The following HEXB variants were observed in gnomAD, a reference collection of about 807,000 sequenced individuals.
The protein encoded by HEXB is beta-hexosaminidase subunit beta.
HEXB carries 51 observed loss-of-function variants against 71.2 expected under a neutral mutation model. The ratio of observed to expected loss-of-function variants is 0.72; its 90% confidence interval spans 0.57 to 0.90. The LOEUF (loss-of-function observed/expected upper bound fraction) is 0.90, where lower values mean the gene tolerates loss of function less well. Ranked by LOEUF, HEXB falls within the 40% of genes least tolerant of loss-of-function variation. The pLI is 0.00. For synonymous variants in HEXB, 266 were observed against 249.3 expected (o/e 1.07, Z -0.63); for missense variants, 617 against 677.0 (o/e 0.91, Z 0.98).
At chr5:74,699,799 G>A (rs1040232839) in intron 5 of HEXB, among the ~76,000 whole-genome samples, 11 of 151,992 alleles carry the variant, frequency 7.2e-5, no homozygotes, top group Non-Finnish European at 1.6e-4. Flanking sequence ...GGTATATACT[G>A]TCAGGCTGCC....
chr5:74,661,557 G>C (rs1295269131), intron 1 of HEXB, among the ~76,000 whole-genome samples: 1,816 of 77,734 alleles, frequency 0.023, 60 homozygotes, highest in African/African-American at 0.088. Context: ...GTGTGTGTGT[G>C]TGTGTGTCTC....
upstream of HEXB, chr5:74,685,204 G>C (rs529245734): frequency 6.9e-7 from 1 of 1,444,060 alleles, no homozygotes; most frequent in South Asian, 1.4e-5. Context: ...GGCCGGGCGG[G>C]AAGTCGGGTC....
In HEXB at chr5:74,697,071, C is replaced by A. The variant is rs1455131807; in HGVS notation, c.634C>A (p.His212Asn). The change falls in exon 5 of 14, where the codon CAT becomes AAT. Residue 212 changes from histidine (H) to asparagine (N), a missense_variant. By Grantham distance (68) the His-to-Asn change is moderately conservative. Transcript: ENST00000261416. ...HRGILIDTSR[H>N]YLPVKIILKT... Reference sequence around the variant, plus strand: ...AGGAATTTTGATTGATACATCCAGACATTATCTGCCAGTTAAGATTATTCT... The same window carrying A: ...AGGAATTTTGATTGATACATCCAGAAATTATCTGCCAGTTAAGATTATTCT... 6.5e-7 allele frequency: 1 copy of A among 1,540,368 alleles called. No homozygotes were observed. Among genetic ancestry groups the A allele is most frequent in the Admixed American group, 1.7e-5 (1 of 59,916 alleles).
intron 3 of HEXB, among the ~76,000 whole-genome samples, chr5:74,695,839 TAA>T (rs34022383): frequency 1.1e-4 from 14 of 132,878 alleles, no homozygotes; most frequent in East Asian, 4.5e-4. Flanking sequence ...AGACTCCGTC[TAA>T]AAAAAAAAAA....
At chr5:74,697,390 A>G (rs755426562) in intron 5 of HEXB, among the ~76,000 whole-genome samples, 3 of 152,282 alleles carry the variant, frequency 2.0e-5, no homozygotes, top group Non-Finnish European at 4.4e-5. Flanking sequence ...CCCTTTACAT[A>G]TACTCCCATT....
At chr5:74,683,365 G>A (rs531057535), upstream of HEXB, among the ~76,000 whole-genome samples, 52 of 152,032 alleles carry the variant, frequency 3.4e-4, no homozygotes, top group African/African-American at 1.2e-3. Flanking sequence ...GTGCAGTGGT[G>A]CAATCTCGGC....
At chr5:74,676,770 A>AG (rs1436726073) in intron 1 of HEXB, among the ~76,000 whole-genome samples, 3 of 152,184 alleles carry the variant, frequency 2.0e-5, no homozygotes, top group Non-Finnish European at 4.4e-5. Context: ...CTCAAAAAAA[A>AG]GGGGAGCGGT....
At chr5:74,717,980 T>C (rs1273150778) in intron 9 of HEXB, among the ~76,000 whole-genome samples, 1 of 152,216 alleles carries the variant, frequency 6.6e-6, no homozygotes, top group African/African-American at 2.4e-5. Flanking sequence ...AAGAGATTGC[T>C]GTTTGTACAA....
At chr5:74,693,893 A>G (rs914213849) in intron 3 of HEXB, among the ~76,000 whole-genome samples, 189 bp downstream of exon 3, 24 of 152,338 alleles carry the variant, frequency 1.6e-4, no homozygotes, top group African/African-American at 5.5e-4. Context: ...ACAGTGGCTC[A>G]CGCCTGTAAT....
intron 1 of HEXB, among the ~76,000 whole-genome samples, chr5:74,667,240 C>A (rs1314171848): frequency 7.1e-6 from 1 of 140,756 alleles, no homozygotes; most frequent in Non-Finnish European, 1.5e-5. Flanking sequence ...AATGGAGAAA[C>A]CCTGCTCTAC....
intron 1 of HEXB, among the ~76,000 whole-genome samples, chr5:74,671,130 A>T (rs1054898309): frequency 6.6e-6 from 1 of 151,946 alleles, no homozygotes. Flanking sequence ...TGATGGTAAA[A>T]AAACAACTAC....
chr5:74,644,615 C>CT (rs1253026600), intron 1 of HEXB, among the ~76,000 whole-genome samples: 2 of 152,054 alleles, frequency 1.3e-5, no homozygotes, highest in East Asian at 3.9e-4. Flanking sequence ...ACAGTTATCA[C>CT]TTTTTTGTCT....
At chr5:74,708,887 A>G (rs557961040) in intron 6 of HEXB, among the ~76,000 whole-genome samples, 4 of 152,268 alleles carry the variant, frequency 2.6e-5, no homozygotes, top group African/African-American at 9.6e-5. Context: ...GATCAACGAG[A>G]CAGAAAGTCA....
chr5:74,701,120 C>T (rs60089359), intron 5 of HEXB, among the ~76,000 whole-genome samples: 3,376 of 150,996 alleles, frequency 0.022, 125 homozygotes, highest in African/African-American at 0.078. Flanking sequence ...TGAGCTCAGG[C>T]GATCCACCTG....
chr5:74,645,304 C>T (rs1747982981), intron 1 of HEXB, among the ~76,000 whole-genome samples: 2 of 152,160 alleles, frequency 1.3e-5, no homozygotes, highest in African/African-American at 4.8e-5. Flanking sequence ...TGGGCTCAAG[C>T]CATCCTCCTG....
chr5:74,718,845 G>T lies in HEXB; in HGVS notation c.1291G>T (p.Glu431Ter). 4 of 1,614,156 alleles carry T rather than the reference G, an allele frequency of 2.5e-6. No individual in the cohort carries two copies. Among genetic ancestry groups the T allele is most frequent in the Non-Finnish European group, 3.4e-6 (4 of 1,179,998 alleles). The change falls in exon 11 of 14, where the codon GAG becomes TAG. Residue 431 changes from glutamate to a stop codon, truncating the protein, a stop_gained. Coordinates refer to ENST00000261416, the MANE Select transcript of HEXB (RefSeq NM_000521.4). LOFTEE classifies it high-confidence loss of function. ...VEVWKDSAYP[E>*]ELSRVTASGF... ...AGTATGGAAAGACAGCGCATATCCT[G>T]AGGAACTCAGTAGAGTCACAGCATC...
chr5:74,709,842 G>A (rs867077358), intron 6 of HEXB, among the ~76,000 whole-genome samples: 7 of 152,162 alleles, frequency 4.6e-5, no homozygotes, highest in Middle Eastern at 6.8e-3. Context: ...ATTCACAGCC[G>A]AATTCTACCA....
At chr5:74,669,822 T>G (rs1001772525) in intron 1 of HEXB, among the ~76,000 whole-genome samples, 2 of 152,126 alleles carry the variant, frequency 1.3e-5, no homozygotes, top group African/African-American at 4.8e-5. Context: ...TCAATTTGGC[T>G]GAACACTGGG....
intron 8 of HEXB, among the ~76,000 whole-genome samples, chr5:74,716,236 G>A (rs1008070472): frequency 2.0e-5 from 3 of 151,864 alleles, no homozygotes; most frequent in Non-Finnish European, 4.4e-5. Context: ...AGAAAATGGA[G>A]ATTCAAAAAA....
Sources: gnomAD v4.1 joint callset for allele counts (sites outside exome capture counted in the v4.1 genomes callset) on GRCh38, gnomAD v4.1.1 for gene constraint, MANE v1.5 for transcripts, NCBI Gene and HGNC (gene_info 2026-07-23, HGNC 2026-07-21) for gene names.